Variants in BCL2 observed in about 807,000 individuals in gnomAD.
The protein encoded by BCL2 is BCL2 apoptosis regulator.
Under a neutral mutation model 14.2 loss-of-function variants are expected in BCL2, and 1 was observed. The ratio of observed to expected loss-of-function variants is 0.07; its 90% CI spans 0.02 to 0.33. The LOEUF is 0.33. Ranked by LOEUF, BCL2 falls within the 10% of genes least tolerant of loss-of-function variation. BCL2 has a pLI of 0.99. For synonymous variants in BCL2, 151 were observed against 137.2 expected, an observed-to-expected ratio of 1.10 and a Z score of -0.70; for missense variants, 247 against 305.9, an observed-to-expected ratio of 0.81 and a Z score of 1.44.
chr18:63,212,818 G>A (rs1910078701), intron 2 of BCL2, among the ~76,000 whole-genome samples: 2 of 151,944 alleles, frequency 1.3e-5, no homozygotes, highest in Non-Finnish European at 2.9e-5. Flanking sequence ...GGAGGTTGCA[G>A]TGAGCCGAGA....
chr18:63,268,564 C>T (rs1261524135), intron 2 of BCL2, among the ~76,000 whole-genome samples: 2 of 152,214 alleles, frequency 1.3e-5, no homozygotes, highest in Non-Finnish European at 2.9e-5. Context: ...TCCAAACCTC[C>T]TTCTGGCTCT....
chr18:63,286,096 C>T (rs548589656), intron 2 of BCL2, among the ~76,000 whole-genome samples: 1 of 152,356 alleles, frequency 6.6e-6, no homozygotes, highest in African/African-American at 2.4e-5. Context: ...TGTTTGGAAA[C>T]AGGCTGCCTG....
At position 63,238,647 on chromosome 18, in the gene BCL2, G is replaced by C. The variant is rs574223360; in HGVS notation, c.585+79435C>G. 3.3e-5 allele frequency among the ~76,000 whole-genome samples: 5 copies of C among 152,316 alleles called. No individual in the cohort carries two copies. In the South Asian group the frequency reaches 1.0e-3, roughly 32 times the overall value. The stretch of plus-strand genomic sequence containing the variant: ...GAAGCAATCCCATTCATAAATACAT[G>C]GTGGGGCCTGAAGGAGTGTGCAGAG... On this transcript the variant is annotated intron_variant, in intron 2 of 2. Transcript: ENST00000333681.
chr18:63,173,873 G>T (rs1426845684), intron 2 of BCL2, among the ~76,000 whole-genome samples: 5 of 152,178 alleles, frequency 3.3e-5, no homozygotes, highest in Non-Finnish European at 7.4e-5. Context: ...GTAGAATACT[G>T]ACTATAATCA....
intron 2 of BCL2, among the ~76,000 whole-genome samples, chr18:63,212,767 T>G (rs925550877): frequency 2.6e-5 from 4 of 151,902 alleles, no homozygotes; most frequent in Non-Finnish European, 4.4e-5. Flanking sequence ...TCCCAGTTAC[T>G]CAGGAGGCTG....
chr18:63,243,215 C>T (rs755055079), intron 2 of BCL2, among the ~76,000 whole-genome samples: 1 of 152,190 alleles, frequency 6.6e-6, no homozygotes, highest in Admixed American at 6.5e-5. Flanking sequence ...TTTGCAGGAA[C>T]ATGGATGGAG....
chr18:63,292,514 G>T (rs1446582523), intron 2 of BCL2, among the ~76,000 whole-genome samples: 1 of 152,212 alleles, frequency 6.6e-6, no homozygotes, highest in African/African-American at 2.4e-5. Flanking sequence ...TACCATGCTA[G>T]CTGGGATCTG....
At chr18:63,297,133 A>T (rs1214701690) in intron 2 of BCL2, among the ~76,000 whole-genome samples, 2 of 152,122 alleles carry the variant, frequency 1.3e-5, no homozygotes, top group African/African-American at 4.8e-5. Flanking sequence ...GAATGGCATG[A>T]ACCCTGGAGG....
At chr18:63,247,650 G>GGAACGCTCTCC (rs1352808850) in intron 2 of BCL2, among the ~76,000 whole-genome samples, 1 of 152,134 alleles carries the variant, frequency 6.6e-6, no homozygotes, top group Non-Finnish European at 1.5e-5. Context: ...CCCTGTTGCG[G>GGAACGCTCTCC]CTGGTGGAGA....
intron 2 of BCL2, among the ~76,000 whole-genome samples, chr18:63,224,921 A>C (rs1910502734): frequency 6.6e-6 from 1 of 152,178 alleles, no homozygotes; most frequent in South Asian, 2.1e-4. Context: ...CCAACACAGA[A>C]GAAAAGGCAA....
intron 2 of BCL2, among the ~76,000 whole-genome samples, chr18:63,238,676 A>G (rs911167828): frequency 6.6e-6 from 1 of 152,192 alleles, no homozygotes; most frequent in African/African-American, 2.4e-5. Flanking sequence ...TGCAGAGTCT[A>G]TGTTTATTTA....
At chr18:63,148,147 C>T (rs190277024) in intron 2 of BCL2, among the ~76,000 whole-genome samples, 4 of 152,274 alleles carry the variant, frequency 2.6e-5, no homozygotes, top group African/African-American at 4.8e-5. Context: ...GGTTTGGATC[C>T]GTGACATCAA....
At chr18:63,143,878 G>A (rs1235404179) in intron 2 of BCL2, among the ~76,000 whole-genome samples, 1 of 152,218 alleles carries the variant, frequency 6.6e-6, no homozygotes, top group East Asian at 1.9e-4. Flanking sequence ...ATTGTGCAGA[G>A]TGCTGCAGGG....
intron 2 of BCL2, among the ~76,000 whole-genome samples, chr18:63,301,671 T>C (rs1385762598): frequency 6.6e-6 from 1 of 152,224 alleles, no homozygotes; most frequent in Non-Finnish European, 1.5e-5. Context: ...CAAATTACAG[T>C]ACTGGCGACA....
At chr18:63,152,114 A>G (rs993901177) in intron 2 of BCL2, among the ~76,000 whole-genome samples, 2 of 152,232 alleles carry the variant, frequency 1.3e-5, no homozygotes, top group African/African-American at 4.8e-5. Flanking sequence ...CTCAAAGCCA[A>G]CCTGCAAAAC....
intron 2 of BCL2, among the ~76,000 whole-genome samples, chr18:63,300,466 CTGTGTGTGTG>C (rs371006514): frequency 3.4e-5 from 5 of 148,038 alleles, no homozygotes; most frequent in African/African-American, 1.0e-4. Context: ...CTCTCTCTCT[CTGTGTGTGTG>C]TGTGTGTGTG....
chr18:63,141,365 C>A (rs908378294), intron 2 of BCL2, among the ~76,000 whole-genome samples: 2 of 152,242 alleles, frequency 1.3e-5, no homozygotes, highest in East Asian at 3.8e-4. Flanking sequence ...CTCTTCTCCC[C>A]ACCTGGCCTC....
chr18:63,280,072 C>T (rs971055570), intron 2 of BCL2, among the ~76,000 whole-genome samples: 9 of 152,116 alleles, frequency 5.9e-5, no homozygotes, highest in African/African-American at 2.2e-4. Context: ...ATGGGATATA[C>T]ATTTATATTT....
intron 2 of BCL2, among the ~76,000 whole-genome samples, chr18:63,187,487 A>G (rs1465632941): frequency 6.6e-6 from 1 of 152,212 alleles, no homozygotes; most frequent in Non-Finnish European, 1.5e-5. Flanking sequence ...GACTCCGTGT[A>G]GTTATCATTT....
Sources: allele counts gnomAD v4.1 joint callset (sites outside exome capture counted in the v4.1 genomes callset), GRCh38; gene constraint gnomAD v4.1.1; transcripts MANE v1.5; gene names NCBI Gene and HGNC (gene_info 2026-07-23, HGNC 2026-07-21).